Variants in PCSK4 observed in about 807,000 individuals in gnomAD.
PCSK4 encodes proprotein convertase subtilisin/kexin type 4.
A neutral mutation model predicts 80.3 loss-of-function variants in PCSK4; 64 were observed. That is an observed-to-expected ratio of 0.80 (90% CI 0.65 to 0.98). PCSK4 has a LOEUF of 0.98. Ranked by LOEUF, PCSK4 falls within the 50% of genes least tolerant of loss-of-function variation. The pLI, the probability that PCSK4 is intolerant of heterozygous loss-of-function variation, is 0.00. For synonymous variants in PCSK4, 561 were observed against 487.6 expected (o/e 1.15, Z -1.98); for missense variants, 1,213 against 1,093.6 (o/e 1.11, Z -1.54).
At chr19:1,488,022 A>C in exon 4 of PCSK4, 2 of 1,613,478 alleles carry the variant, frequency 1.2e-6, no homozygotes, top group Non-Finnish European at 1.7e-6. Context: ...CACAGAGACC[A>C]CGATGCCCTG....
At chr19:1,489,947 G>A in intron 1 of PCSK4, 50 bp from the exon 2 acceptor site, 1 of 1,558,986 alleles carries the variant, frequency 6.4e-7, no homozygotes, top group Non-Finnish European at 8.7e-7. Flanking sequence ...CTCCCCTGCT[G>A]AAGCCCCCGA....
At chr19:1,484,379 C>T (rs1395588468) in intron 8 of PCSK4, among the ~76,000 whole-genome samples, 7 of 151,088 alleles carry the variant, frequency 4.6e-5, no homozygotes, top group Non-Finnish European at 8.8e-5. Flanking sequence ...TCCAGCTACT[C>T]GGGAGGCTGA....
At chr19:1,483,998 G>T in intron 9 of PCSK4, 29 bp downstream of exon 9, 1 of 1,503,676 alleles carries the variant, frequency 6.7e-7, no homozygotes. Flanking sequence ...GGGGGCGAGG[G>T]CGGTGGACCG....
intron 8 of PCSK4, among the ~76,000 whole-genome samples, chr19:1,484,799 C>G (rs1372852937): frequency 6.6e-6 from 1 of 151,690 alleles, no homozygotes; most frequent in African/African-American, 2.4e-5. Context: ...GGCAACATGG[C>G]AAGACTCCAT....
chr19:1,487,872 G>A lies in PCSK4; in HGVS notation c.517-11C>T. On this transcript the variant is annotated splice_polypyrimidine_tract_variant and intron_variant, in intron 4 of 14. Coordinates refer to ENST00000300954, the Ensembl canonical transcript of PCSK4. Reference sequence around the variant, plus strand: ...GCTGGCCAGGGGGTCCTGGGGGCAGGTGGGGATATGAGGGGGCCGGGAGGC... The same window carrying A: ...GCTGGCCAGGGGGTCCTGGGGGCAGATGGGGATATGAGGGGGCCGGGAGGC... The A allele has an allele frequency of 6.5e-7, 1 of 1,548,884 alleles. No individual in the cohort carries two copies. The highest frequency in any genetic ancestry group is 8.8e-7 in the Non-Finnish European group (1 of 1,141,868).
At chr19:1,484,107 G>A (rs757713777) in exon 9 of PCSK4, 10 of 1,563,598 alleles carry the variant, frequency 6.4e-6, no homozygotes, top group South Asian at 1.2e-5. Flanking sequence ...CTGTGCACCC[G>A]TGATGCAGGT....
chr19:1,482,951 G>C (rs769600823), exon 13 of PCSK4: 32 of 1,542,988 alleles, frequency 2.1e-5, no homozygotes, highest in Non-Finnish European at 2.7e-5. Flanking sequence ...CGCCCTGTGG[G>C]TTCTCATCCC....
intron 2 of PCSK4, among the ~76,000 whole-genome samples, chr19:1,489,428 C>T (rs1418333344): frequency 2.0e-5 from 3 of 152,220 alleles, no homozygotes; most frequent in Non-Finnish European, 2.9e-5. Flanking sequence ...GCCACCGCGC[C>T]GGGCCAAGCC....
exon 4 of PCSK4, chr19:1,487,964 G>A (rs755595805): frequency 3.2e-5 from 52 of 1,610,220 alleles, no homozygotes; most frequent in Middle Eastern, 1.6e-4. Context: ...GCGGTCTCAC[G>A]TAGTTGGCCC....
intron 6 of PCSK4, 125 bp downstream of exon 6, chr19:1,487,478 T>C (rs1374980819): frequency 2.0e-6 from 2 of 1,017,832 alleles, no homozygotes; most frequent in African/African-American, 3.2e-5. Context: ...AGCCCTGGAG[T>C]CTGGGGCCCT....
At chr19:1,488,401 TC>T in intron 2 of PCSK4, 121 bp from the exon 3 acceptor site, 2 of 712,770 alleles carry the variant, frequency 2.8e-6, no homozygotes, top group Non-Finnish European at 2.4e-6. Context: ...CTCTCCAGGG[TC>T]CCCATGTGCC....
chr19:1,489,765 A>G (rs2084839886), intron 2 of PCSK4, 28 bp downstream of exon 2: 2 of 1,589,832 alleles, frequency 1.3e-6, no homozygotes, highest in South Asian at 2.3e-5. Flanking sequence ...GACCCCGGGC[A>G]GGGGGTTGGC....
chr19:1,482,520 C>T (rs779393837), intron 13 of PCSK4, 45 bp from the exon 14 acceptor site: 15 of 1,574,248 alleles, frequency 9.5e-6, no homozygotes, highest in East Asian at 2.3e-5. Context: ...AGGAGGCTCT[C>T]GGCAGCCTGG....
chr19:1,487,965 T>C, exon 4 of PCSK4: 2 of 1,610,516 alleles, frequency 1.2e-6, no homozygotes, highest in Non-Finnish European at 1.7e-6. Flanking sequence ...CGGTCTCACG[T>C]AGTTGGCCCA....
rs1230988270 is a variant in PCSK4 at position 1,488,049 on chromosome 19, C to T, written c.431G>A (p.Ser144Asn). The change falls in exon 4 of 15, where the codon AGT becomes AAT. Residue 144 changes from serine to asparagine, a missense_variant. Transcript: ENST00000300954. ...GATGCCCTGGCCTGACAGCCCCTGA[C>T]TCCAGGCCTGCAGGATGCTCAGGTC... 7 of 1,613,430 alleles carry T rather than the reference C, an allele frequency of 4.3e-6. No homozygotes were observed. The Admixed American group carries it at 5.0e-5, about 12-fold the overall frequency.
rs750254989 is a variant in PCSK4, at chr19:1,487,819, G to T, written c.559C>A (p.Pro187Thr). Residue 187 changes from proline (P) to threonine (T), a missense_variant, in exon 5 of 15, where the codon CCC becomes ACC. Coordinates refer to ENST00000300954, the Ensembl canonical transcript of PCSK4. ...TTGCTGGGGGTGTAGCGGGGCTGGG[G>T]GTCCGGGTCGTAGTCATTGAAGTCA... 1.9e-6 allele frequency: 3 copies of T among 1,574,760 alleles called. No individual in the cohort carries two copies. The highest frequency in any genetic ancestry group is 2.6e-6 in the Non-Finnish European group (3 of 1,160,232).
chr19:1,487,182 C>T (rs369866068), exon 7 of PCSK4: 17 of 1,607,502 alleles, frequency 1.1e-5, no homozygotes, highest in African/African-American at 9.3e-5. Context: ...GTGAGGATGC[C>T]GGGGCCGTCC....
upstream of PCSK4, chr19:1,490,536 C>T (rs1351814738): frequency 2.0e-6 from 1 of 506,324 alleles, no homozygotes; most frequent in Non-Finnish European, 3.5e-6. Flanking sequence ...CGCACGCCTG[C>T]CCGTCTTCCG....
At chr19:1,481,704 G>T in exon 15 of PCSK4, 2 of 1,245,828 alleles carry the variant, frequency 1.6e-6, no homozygotes, top group Non-Finnish European at 2.2e-6. Flanking sequence ...CAGCATGGCA[G>T]CAGTGCCTGT....
Sources: allele counts gnomAD v4.1 joint callset (sites outside exome capture counted in the v4.1 genomes callset), GRCh38; gene constraint gnomAD v4.1.1; transcripts MANE v1.5; gene names NCBI Gene and HGNC (gene_info 2026-07-23, HGNC 2026-07-21).